Variants in PLEKHG4B observed in about 807,000 individuals in gnomAD.
PLEKHG4B encodes the protein pleckstrin homology domain-containing family G member 4B.
PLEKHG4B carries 111 observed loss-of-function variants against 121.3 expected under a neutral mutation model. That is an observed-to-expected ratio of 0.92 (90% CI 0.78 to 1.07). The LOEUF (loss-of-function observed/expected upper bound fraction) is 1.07, where lower values mean the gene tolerates loss of function less well. Ranked by LOEUF, PLEKHG4B falls within the 50% of genes least tolerant of loss-of-function variation. The probability of loss-of-function intolerance (pLI) is 0.00; values close to 1 mark genes in which losing one functional copy is unlikely to be tolerated. For missense variants in PLEKHG4B, 1,831 were observed against 1,757.8 expected, an observed-to-expected ratio of 1.04 and a Z score of -0.74; for synonymous variants, 738 against 725.0, an observed-to-expected ratio of 1.02 and a Z score of -0.29.
intron 18 of PLEKHG4B, among the ~76,000 whole-genome samples, chr5:181,114 T>A (rs1321574927): frequency 6.6e-6 from 1 of 152,222 alleles, no homozygotes; most frequent in Non-Finnish European, 1.5e-5. Context: ...CTCCTCTCAA[T>A]ATTCAAACTC....
intron 1 of PLEKHG4B, among the ~76,000 whole-genome samples, chr5:109,146 G>A (rs928853532): frequency 1.1e-4 from 17 of 152,122 alleles, no homozygotes; most frequent in Non-Finnish European, 2.2e-4. Context: ...TGCTGCCCAC[G>A]GATGTCTTGC....
chr5:140,555 C>A lies in PLEKHG4B; in HGVS notation c.1316C>A (p.Ser439Tyr), dbSNP rs779138034. Reference protein sequence around the residue: ...AGRTLPRRSRSWERAPRSSRG... With the variant: ...AGRTLPRRSRYWERAPRSSRG... ...CGGACTCTTCCCAGGAGATCTCGGTCCTGGGAAAGGGCACCCAGAAGCTCC... is the reference window on the plus strand; with the variant it reads ...CGGACTCTTCCCAGGAGATCTCGGTACTGGGAAAGGGCACCCAGAAGCTCC... Residue 439 changes from serine (S) to tyrosine (Y), a missense_variant, in exon 3 of 20, where the codon TCC becomes TAC. Physicochemically the swap from Ser to Tyr is moderately radical, Grantham distance 144. Coordinates refer to ENST00000637938, the MANE Select transcript of PLEKHG4B (RefSeq NM_052909.5). 2 of 1,606,254 alleles carry A rather than the reference C, an allele frequency of 1.2e-6. No homozygotes were observed. Among genetic ancestry groups the A allele is most frequent in the Admixed American group, 3.4e-5 (2 of 59,020 alleles).
intron 13 of PLEKHG4B, chr5:169,032 C>A (rs1736446031): frequency 5.4e-5 from 19 of 349,394 alleles, no homozygotes; most frequent in South Asian, 5.3e-4. Flanking sequence ...CCTGCCACTA[C>A]CCCCAGCTAA....
chr5:129,223 G>T (rs1160716396), intron 2 of PLEKHG4B, among the ~76,000 whole-genome samples: 1 of 152,140 alleles, frequency 6.6e-6, no homozygotes, highest in East Asian at 1.9e-4. Context: ...ACCTTTTAAG[G>T]TACAAAAGGA....
In PLEKHG4B at chr5:157,943, C is replaced by T. The variant is rs1259123223; in HGVS notation, c.2487+1032C>T. On this transcript the variant is annotated intron_variant, in intron 11 of 19. Coordinates refer to ENST00000637938, the MANE Select transcript of PLEKHG4B (RefSeq NM_052909.5). The surrounding 1 kb of genome is among the most constrained non-coding windows in gnomAD (Gnocchi z 4.6). ...CCTCACGGGGGCCTCCAGACAAAGA[C>T]GTGCAGCAGGGACGCGAGGCACTGT... 4.6e-5 allele frequency among the ~76,000 whole-genome samples: 7 copies of T among 152,176 alleles called. No homozygotes were observed. The highest frequency in any genetic ancestry group is 1.4e-4 in the African/African-American group (6 of 41,442).
intron 12 of PLEKHG4B, 44 bp downstream of exon 12, chr5:161,988 T>C (rs370015882): frequency 3.0e-5 from 47 of 1,557,590 alleles, no homozygotes; most frequent in Non-Finnish European, 4.0e-5. Context: ...CCCGGCTCCT[T>C]AGGCTGTGGA....
chr5:119,306 C>T (rs1005502964), intron 2 of PLEKHG4B, among the ~76,000 whole-genome samples: 1 of 152,250 alleles, frequency 6.6e-6, no homozygotes, highest in Middle Eastern at 3.4e-3. Context: ...TGTTTTTACC[C>T]ATTTATGTTT....
Position 155,421 on chromosome 5 carries a change from A to T in PLEKHG4B, c.2186A>T (p.His729Leu). Reference protein sequence around the residue: ...LQNSFCSLNTHRTPRTAQEVA... With the variant: ...LQNSFCSLNTLRTPRTAQEVA... ...AATTCATTCTGCTCCCTGAACACCC[A>T]CAGAACCCCAAGAACAGCCCAGGTG... The change falls in exon 9 of 20, where the codon CAC becomes CTC. Residue 729 changes from histidine to leucine, a missense_variant. His to Leu is a moderately conservative substitution (Grantham distance 99). Transcript: ENST00000637938. The T allele has an allele frequency of 1.9e-6, 3 of 1,614,124 alleles. No homozygotes were observed. Among genetic ancestry groups the T allele is most frequent in the Non-Finnish European group, 2.5e-6 (3 of 1,179,994 alleles).
chr5:178,666 G>C (rs1736838614), intron 18 of PLEKHG4B, among the ~76,000 whole-genome samples: 1 of 152,270 alleles, frequency 6.6e-6, no homozygotes, highest in African/African-American at 2.4e-5. Flanking sequence ...TAGTAATATA[G>C]AATTGCTATA....
chr5:119,814 G>A (rs1340936742), intron 2 of PLEKHG4B, among the ~76,000 whole-genome samples: 1 of 152,172 alleles, frequency 6.6e-6, no homozygotes, highest in East Asian at 1.9e-4. Flanking sequence ...GAAACCTCTG[G>A]GCTGACAGAT....
At chr5:117,075 C>A (rs1343510129) in intron 2 of PLEKHG4B, among the ~76,000 whole-genome samples, 2 of 152,168 alleles carry the variant, frequency 1.3e-5, no homozygotes, top group African/African-American at 4.8e-5. Flanking sequence ...CCTCTCCCAA[C>A]CTACAAAATT....
chr5:96,758 A>G (rs191589624), intron 1 of PLEKHG4B, among the ~76,000 whole-genome samples: 23 of 152,322 alleles, frequency 1.5e-4, no homozygotes, highest in African/African-American at 5.5e-4. Flanking sequence ...TCTCCCCAAA[A>G]GACAGTATTT....
intron 9 of PLEKHG4B, among the ~76,000 whole-genome samples, chr5:155,738 C>T (rs1404200632): frequency 1.3e-5 from 2 of 152,172 alleles, no homozygotes; most frequent in Non-Finnish European, 1.5e-5. Flanking sequence ...GACACAGAGG[C>T]GAACTGGCCA....
At chr5:173,585 C>T (rs1313896895) in intron 17 of PLEKHG4B, among the ~76,000 whole-genome samples, 1 of 151,976 alleles carries the variant, frequency 6.6e-6, no homozygotes, top group East Asian at 1.9e-4. Context: ...CAAGCACTCT[C>T]CCTTGCACAC....
At chr5:179,985 C>T (rs1291066494) in intron 18 of PLEKHG4B, among the ~76,000 whole-genome samples, 1 of 152,188 alleles carries the variant, frequency 6.6e-6, no homozygotes, top group Non-Finnish European at 1.5e-5. Context: ...GATCTACTTC[C>T]TGCCACATTA....
chr5:180,906 C>T (rs968641473), intron 18 of PLEKHG4B, among the ~76,000 whole-genome samples: 6 of 152,156 alleles, frequency 3.9e-5, no homozygotes, highest in Middle Eastern at 3.2e-3. Context: ...ACACACACAC[C>T]GCACTTCTTC....
Position 111,621 on chromosome 5 carries a change from G to A in PLEKHG4B, c.46-1630G>A, listed in dbSNP as rs140444695. Among the ~76,000 whole-genome samples the A allele has an allele frequency of 6.6e-4, 100 of 152,186 alleles. 1 individual carries two copies. The highest frequency in any genetic ancestry group is 3.4e-3 in the Middle Eastern group (1 of 294). ...TCTCTTCCGGGGATGGCCCAGTGTC[G>A]GCATTTCAGCTCCTGCAGAATACGT... On this transcript the variant is annotated intron_variant, in intron 1 of 19. Coordinates refer to ENST00000637938, the MANE Select transcript of PLEKHG4B (RefSeq NM_052909.5).
At chr5:108,494 A>G (rs965762230) in intron 1 of PLEKHG4B, among the ~76,000 whole-genome samples, 8 of 151,816 alleles carry the variant, frequency 5.3e-5, no homozygotes, top group Non-Finnish European at 8.8e-5. Flanking sequence ...TGGTGTAGAC[A>G]GACGGTGCAG....
chr5:186,567 A>T lies in PLEKHG4B; in HGVS notation c.*4244A>T, dbSNP rs983025175. On this transcript the variant is annotated 3_prime_UTR_variant, in exon 20 of 20. Transcript: ENST00000637938. ...ACAGGGGACGTGGGAGACAGCCCCGATGCGTCCCCATCCGCAGTGACGCTA... is the reference window on the plus strand; with the variant it reads ...ACAGGGGACGTGGGAGACAGCCCCGTTGCGTCCCCATCCGCAGTGACGCTA... The T allele has an allele frequency of 4.2e-4, 64 of 152,188 alleles. No homozygotes were observed. Among genetic ancestry groups the T allele is most frequent in the African/African-American group, 1.4e-3 (56 of 41,422 alleles). The allele number at this position is 152,188 out of a possible 1,614,324, so 9.4% of individuals were successfully genotyped here.
Sources: allele counts gnomAD v4.1 joint callset (sites outside exome capture counted in the v4.1 genomes callset), GRCh38; gene constraint gnomAD v4.1.1; non-coding constraint Gnocchi (gnomAD v3.1); transcripts MANE v1.5; gene names NCBI Gene and HGNC (gene_info 2026-07-23, HGNC 2026-07-21).